The following TANGO6 variants were observed in gnomAD, a reference collection of about 807,000 sequenced individuals.
The protein encoded by TANGO6 is transport and golgi organization 6 homolog.
In TANGO6, 90 loss-of-function variants were observed where a neutral mutation model predicts 114.2. That is an observed-to-expected ratio of 0.79 (90% confidence interval 0.66 to 0.94). The LOEUF (loss-of-function observed/expected upper bound fraction) is 0.94, where lower values mean the gene tolerates loss of function less well. Among genes scored for constraint, TANGO6 ranks in the 40% least tolerant of loss-of-function variants. The pLI, the probability that TANGO6 is intolerant of heterozygous loss-of-function variation, is 0.00. For missense variants in TANGO6, 1,274 were observed against 1,315.3 expected (o/e 0.97, Z 0.49); for synonymous variants, 477 against 509.8 (o/e 0.94, Z 0.87).
chr16:69,017,383 A>T (rs562138596), intron 15 of TANGO6, among the ~76,000 whole-genome samples: 1 of 152,260 alleles, frequency 6.6e-6, no homozygotes, highest in South Asian at 2.1e-4. Context: ...CCTTTTCTTT[A>T]TCATTTATTT....
At chr16:68,942,136 C>G (rs971748438) in intron 14 of TANGO6, among the ~76,000 whole-genome samples, 2 of 152,116 alleles carry the variant, frequency 1.3e-5, no homozygotes, top group Admixed American at 6.6e-5. Flanking sequence ...TCAAGACCAG[C>G]CTGGCCAACA....
chr16:68,967,209 C>T (rs945595981), intron 14 of TANGO6, among the ~76,000 whole-genome samples: 6 of 152,122 alleles, frequency 3.9e-5, no homozygotes, highest in Non-Finnish European at 7.3e-5. Context: ...ATGGACGGGA[C>T]GGTGTTGGGA....
intron 15 of TANGO6, among the ~76,000 whole-genome samples, chr16:68,995,922 G>T (rs991967150): frequency 6.6e-5 from 10 of 152,158 alleles, no homozygotes; most frequent in South Asian, 4.1e-4. Flanking sequence ...ATAATATTTT[G>T]TTCTACCTAT....
At chr16:68,980,526 C>T in intron 15 of TANGO6, among the ~76,000 whole-genome samples, 1 of 149,784 alleles carries the variant, frequency 6.7e-6, no homozygotes, top group Non-Finnish European at 1.5e-5. Flanking sequence ...GCCTTAGCCC[C>T]ATGATTAGCT....
chr16:68,989,310 A>G (rs1200333321), intron 15 of TANGO6, among the ~76,000 whole-genome samples: 2 of 148,770 alleles, frequency 1.3e-5, no homozygotes, highest in African/African-American at 5.0e-5. Context: ...TTTTTTTTCA[A>G]TCTTTTTCTC....
At chr16:68,936,418 C>T (rs1357337081) in intron 14 of TANGO6, among the ~76,000 whole-genome samples, 1 of 152,026 alleles carries the variant, frequency 6.6e-6, no homozygotes, top group African/African-American at 2.4e-5. Flanking sequence ...CTGCAACTTC[C>T]ACCTCCCGGG....
In TANGO6 at chr16:68,980,097, C is replaced by T. The variant is rs377419097; in HGVS notation, c.2842+5929C>T. On this transcript the variant is annotated intron_variant, in intron 15 of 17. Transcript: ENST00000261778. ...TCCTGACCTCGTGATCTGCCCGCCT[C>T]GGCCTCCCAAAGTGCTGGGATTACA... Among the ~76,000 whole-genome samples the T allele has an allele frequency of 1.8e-4, 27 of 152,076 alleles. No homozygotes were observed. In the South Asian group the frequency reaches 4.4e-3, roughly 25 times the overall value.
chr16:68,890,957 G>A lies in TANGO6; in HGVS notation c.1378-9477G>A, dbSNP rs538171419. The stretch of plus-strand genomic sequence containing the variant: ...GGAGAATTACTTGAACTTGGGAGGC[G>A]GAGGTTGCAGGGAGCCGAGATTGCA... On this transcript the variant is annotated intron_variant, in intron 7 of 17. Coordinates refer to ENST00000261778, the MANE Select transcript of TANGO6 (RefSeq NM_024562.2). Among the ~76,000 whole-genome samples the A allele has an allele frequency of 7.9e-5, 12 of 151,950 alleles. No homozygotes were observed. The South Asian group carries it at 1.7e-3, about 21-fold the overall frequency.
chr16:68,980,912 T>TGGTG, intron 15 of TANGO6, among the ~76,000 whole-genome samples: 1 of 151,904 alleles, frequency 6.6e-6, no homozygotes, highest in Non-Finnish European at 1.5e-5. Flanking sequence ...GGAGAATCTC[T>TGGTG]TGAATCTGGA....
chr16:69,026,970 C>G (rs1959512273), intron 16 of TANGO6, among the ~76,000 whole-genome samples: 1 of 152,182 alleles, frequency 6.6e-6, no homozygotes, highest in African/African-American at 2.4e-5. Context: ...TCAAGTGATT[C>G]CCCTGTCTTA....
chr16:68,944,908 C>T (rs1335919272), intron 14 of TANGO6, among the ~76,000 whole-genome samples: 5 of 152,116 alleles, frequency 3.3e-5, no homozygotes, highest in Admixed American at 6.6e-5. Flanking sequence ...CGGTGGCTCA[C>T]GCCTGAGGCA....
intron 15 of TANGO6, among the ~76,000 whole-genome samples, chr16:69,000,632 C>T: frequency 6.6e-6 from 1 of 151,914 alleles, no homozygotes; most frequent in East Asian, 1.9e-4. Flanking sequence ...CACTCTCTCA[C>T]CCAGGCTGGA....
chr16:68,932,219 T>G lies in TANGO6; in HGVS notation c.2701+1924T>G, dbSNP rs182094484. On this transcript the variant is annotated intron_variant, in intron 14 of 17. Transcript: ENST00000261778. The stretch of plus-strand genomic sequence containing the variant: ...GATTCTCCTGCCTCAGCCTCCCGAG[T>G]AGCTGGGATTACAGGCATGTGCCAC... Among the ~76,000 whole-genome samples the G allele has an allele frequency of 4.6e-3, 701 of 152,108 alleles. 3 individuals carry two copies. Among genetic ancestry groups the G allele is most frequent in the South Asian group, 0.017 (80 of 4,820 alleles).
At chr16:68,873,928 T>C (rs1051951145) in intron 4 of TANGO6, among the ~76,000 whole-genome samples, 3 of 152,192 alleles carry the variant, frequency 2.0e-5, no homozygotes, top group African/African-American at 7.2e-5. Flanking sequence ...GTACTAAGTG[T>C]AACAATACAG....
intron 17 of TANGO6, among the ~76,000 whole-genome samples, chr16:69,050,808 A>G (rs1959937005): frequency 6.6e-6 from 1 of 150,970 alleles, no homozygotes; most frequent in South Asian, 2.1e-4. Flanking sequence ...TATTTTTTGT[A>G]GAGATGGGGT....
At chr16:68,914,125 A>G (rs572137511) in intron 11 of TANGO6, among the ~76,000 whole-genome samples, 1 of 152,320 alleles carries the variant, frequency 6.6e-6, no homozygotes, top group East Asian at 1.9e-4. Context: ...TACCTGTAAC[A>G]TGTTCAGAAT....
chr16:68,953,751 T>C (rs1055603952), intron 14 of TANGO6, among the ~76,000 whole-genome samples: 6 of 152,164 alleles, frequency 3.9e-5, no homozygotes, highest in African/African-American at 1.2e-4. Context: ...TTCTTGGTCG[T>C]GAAACCCGCC....
intron 15 of TANGO6, among the ~76,000 whole-genome samples, chr16:68,982,630 CTTTTTTTTTTTTTT>C: frequency 9.5e-6 from 1 of 105,304 alleles, no homozygotes; most frequent in South Asian, 2.7e-4. Flanking sequence ...ATGCCCTGGC[CTTTTTTTTTTTTTT>C]TTTTTTTTGT....
At chr16:68,899,563 C>T (rs1962756343) in intron 7 of TANGO6, among the ~76,000 whole-genome samples, 1 of 151,420 alleles carries the variant, frequency 6.6e-6, no homozygotes. Flanking sequence ...CACACTTAAC[C>T]ATGTAGAGCC....
Sources: gnomAD v4.1 joint callset for allele counts (sites outside exome capture counted in the v4.1 genomes callset) on GRCh38, gnomAD v4.1.1 for gene constraint, MANE v1.5 for transcripts, NCBI Gene and HGNC (gene_info 2026-07-23, HGNC 2026-07-21) for gene names.